Variants in KPNA7 observed in about 807,000 individuals in gnomAD.
The protein encoded by KPNA7 is karyopherin subunit alpha 7, also known as importin subunit alpha-8.
Under a neutral mutation model 53.7 loss-of-function variants are expected in KPNA7, and 54 were observed. The observed-to-expected ratio is 1.01, with a 90% CI of 0.81 to 1.26. KPNA7 has a LOEUF of 1.26. Among genes scored for constraint, KPNA7 ranks in the 50% most tolerant of loss-of-function variants. The pLI is 0.00. For missense variants in KPNA7, 640 were observed against 644.5 expected (o/e 0.99, Z 0.07); for synonymous variants, 276 against 259.3 (o/e 1.06, Z -0.62).
At chr7:99,172,037 A>G (rs1224013894), downstream of KPNA7, among the ~76,000 whole-genome samples, 1 of 152,206 alleles carries the variant, frequency 6.6e-6, no homozygotes, top group African/African-American at 2.4e-5. Context: ...AAGGAAAACA[A>G]AGCATATGAG....
intron 6 of KPNA7, among the ~76,000 whole-genome samples, chr7:99,188,864 T>C (rs755581443): frequency 2.4e-4 from 36 of 152,010 alleles, no homozygotes; most frequent in Non-Finnish European, 4.3e-4. Context: ...GTATTTTTAG[T>C]AGAGATGGGG....
chr7:99,198,813 AAAGG>A (rs1198388407), intron 3 of KPNA7, among the ~76,000 whole-genome samples: 3 of 152,106 alleles, frequency 2.0e-5, no homozygotes, highest in African/African-American at 7.2e-5. Flanking sequence ...CCCAGATTGG[AAAGG>A]AAGAAATAAA....
chr7:99,165,918 G>A, the KPNA7 span, among the ~76,000 whole-genome samples: 1 of 152,240 alleles, frequency 6.6e-6, no homozygotes, highest in African/African-American at 2.4e-5. Context: ...CCTGGTAGGA[G>A]GTGATTGGAT....
the KPNA7 span, among the ~76,000 whole-genome samples, chr7:99,156,353 T>G: frequency 2.0e-5 from 3 of 152,200 alleles, no homozygotes; most frequent in Admixed American, 6.5e-5. Flanking sequence ...GCCAGTCTGA[T>G]TCTCATTCTT....
the KPNA7 span, among the ~76,000 whole-genome samples, chr7:99,161,365 C>T: frequency 2.0e-5 from 3 of 152,166 alleles, no homozygotes; most frequent in African/African-American, 7.2e-5. Context: ...AATATCCAGC[C>T]ATCAGCCACT....
chr7:99,185,251 T>A lies in KPNA7; in HGVS notation c.901-89A>T, dbSNP rs1414891823. The A allele has an allele frequency of 3.4e-6, 3 of 885,064 alleles. No individual in the cohort carries two copies. The African/African-American group carries it at 5.0e-5, about 15-fold the overall frequency. The allele number at this position is 885,064 out of a possible 1,614,324, so 54.8% of individuals were successfully genotyped here. A position where few individuals can be genotyped will look rare whatever the true frequency, so the allele number is the denominator to read the frequency against. ...ACCAAGTTCTGTTCTCTCCCAAACATTGTCATGCTATAGCCGATGGTTGTC... is the reference window on the plus strand; with the variant it reads ...ACCAAGTTCTGTTCTCTCCCAAACAATGTCATGCTATAGCCGATGGTTGTC... On this transcript the variant is annotated intron_variant, in intron 7 of 10. Transcript: ENST00000327442.
chr7:99,192,846 TG>T (rs758153016), intron 6 of KPNA7, among the ~76,000 whole-genome samples, 172 bp downstream of exon 6: 4 of 152,242 alleles, frequency 2.6e-5, no homozygotes, highest in Non-Finnish European at 5.9e-5. Flanking sequence ...GACATCCACT[TG>T]GCCTGGTACT....
rs10616354 is a variant in KPNA7 at position 99,217,619 on chromosome 7, C to CTT, written c.-23-10132_-23-10131dup. ...CCCAGGAACGGGGACTCCACCTTGC[C>CTT]TTTTTTTTTTTTTTTTTTTTTTTTT... On this transcript the variant is annotated intron_variant, in intron 1 of 10. Transcript: ENST00000681060. Among the ~76,000 whole-genome samples the CTT allele has an allele frequency of 1.2e-3, 48 of 39,850 alleles. 8 individuals carry two copies. Among genetic ancestry groups the CTT allele is most frequent in the African/African-American group, 5.0e-3 (46 of 9,138 alleles). The allele number at this position is 39,850 out of a possible 152,430, so 26.1% of individuals were successfully genotyped here.
chr7:99,165,671 T>C, the KPNA7 span, among the ~76,000 whole-genome samples: 2 of 152,222 alleles, frequency 1.3e-5, no homozygotes, highest in Non-Finnish European at 2.9e-5. Context: ...TTGGGCATGA[T>C]GTTTTGGTGT....
the KPNA7 span, among the ~76,000 whole-genome samples, chr7:99,159,531 C>T: frequency 9.9e-5 from 15 of 152,090 alleles, no homozygotes; most frequent in Non-Finnish European, 1.8e-4. Context: ...ATGGACCTAT[C>T]ACCAGCCCTG....
chr7:99,194,802 A>C, intron 5 of KPNA7, among the ~76,000 whole-genome samples: 1 of 152,038 alleles, frequency 6.6e-6, no homozygotes, highest in East Asian at 1.9e-4. Context: ...ACGGGGTTTC[A>C]CCATGTTGGC....
intron 8 of KPNA7, among the ~76,000 whole-genome samples, chr7:99,183,203 A>C (rs896135497): frequency 2.2e-4 from 33 of 152,024 alleles, no homozygotes; most frequent in African/African-American, 7.5e-4. Flanking sequence ...AGTGAGCCAA[A>C]ATTGTCCCAC....
At chr7:99,176,569 C>G (rs964162758) in intron 10 of KPNA7, among the ~76,000 whole-genome samples, 2 of 151,928 alleles carry the variant, frequency 1.3e-5, no homozygotes, top group African/African-American at 4.8e-5. Context: ...CAATTCCACT[C>G]TAGGTATATA....
At chr7:99,183,086 T>A (rs1327197099) in intron 8 of KPNA7, among the ~76,000 whole-genome samples, 2 of 152,016 alleles carry the variant, frequency 1.3e-5, no homozygotes, top group Non-Finnish European at 2.9e-5. Context: ...TGAAACCCTG[T>A]CTCTATTAAA....
chr7:99,174,039 G>A (rs918330802), intron 10 of KPNA7, among the ~76,000 whole-genome samples: 3 of 152,094 alleles, frequency 2.0e-5, no homozygotes, highest in Admixed American at 1.3e-4. Flanking sequence ...CCCCGCATCC[G>A]TGGCCTATTA....
intron 6 of KPNA7, among the ~76,000 whole-genome samples, chr7:99,191,805 A>T (rs1789969829): frequency 6.6e-6 from 1 of 152,074 alleles, no homozygotes; most frequent in African/African-American, 2.4e-5. Context: ...ACGTGCCACC[A>T]TGCCTGGCTA....
the KPNA7 span, among the ~76,000 whole-genome samples, chr7:99,155,722 A>AT: frequency 0.045 from 6,287 of 138,764 alleles, 144 homozygotes; most frequent in African/African-American, 0.059. Flanking sequence ...CACCACACTA[A>AT]TTTTTTTTTT....
Sources: gnomAD v4.1 joint callset for allele counts (sites outside exome capture counted in the v4.1 genomes callset) on GRCh38, gnomAD v4.1.1 for gene constraint, MANE v1.5 for transcripts, NCBI Gene and HGNC (gene_info 2026-07-23, HGNC 2026-07-21) for gene names.